The following LYPD2 variants were observed in gnomAD, a reference collection of about 807,000 sequenced individuals.
LYPD2 encodes the protein ly6/PLAUR domain-containing protein 2.
A neutral mutation model predicts 7.1 loss-of-function variants in LYPD2; 5 were observed. The ratio of observed to expected loss-of-function variants is 0.70; its 90% confidence interval spans 0.37 to 1.48. The LOEUF is 1.48. LYPD2 is among the 40% of genes most tolerant of loss of function. LYPD2 has a pLI of 0.03. For missense variants in LYPD2, 177 were observed against 171.0 expected, an observed-to-expected ratio of 1.04 and a Z score of -0.20; for synonymous variants, 78 against 82.0, an observed-to-expected ratio of 0.95 and a Z score of 0.26.
At position 142,752,519 on chromosome 8, in the gene LYPD2, G is replaced by A. The variant is rs186342108; in HGVS notation, c.-68C>T. ...GGCGGGGACAGCAGACACCAAGTGA[G>A]GTGGCGACAGACTGGTCTGCTGAGC... is the stretch of plus-strand genomic sequence containing the variant. On this transcript the variant is annotated 5_prime_UTR_variant, in exon 1 of 3. Coordinates refer to ENST00000359228, the MANE Select transcript of LYPD2 (RefSeq NM_205545.3). The A allele has an allele frequency of 3.2e-6, 5 of 1,578,174 alleles. No individual in the cohort carries two copies. Among genetic ancestry groups the A allele is most frequent in the Middle Eastern group, 1.7e-4 (1 of 5,970 alleles).
At position 142,750,221 on chromosome 8, in the gene LYPD2, G is replaced by A. The variant is rs1467451014; in HGVS notation, c.*62C>T. ...AGGAGACTCAGGAGTCCTGGTGCAGGGGGCACTTCTTCAAGGCATTCGGGG... is the reference window on the plus strand; with the variant it reads ...AGGAGACTCAGGAGTCCTGGTGCAGAGGGCACTTCTTCAAGGCATTCGGGG... On this transcript the variant is annotated 3_prime_UTR_variant, in exon 3 of 3. Transcript: ENST00000359228. 4.3e-5 allele frequency: 61 copies of A among 1,423,096 alleles called. No individual in the cohort carries two copies. The highest frequency in any genetic ancestry group is 5.5e-5 in the Non-Finnish European group (57 of 1,039,992). The allele number at this position is 1,423,096 out of a possible 1,614,324, so 88.2% of individuals were successfully genotyped here. A position where few individuals can be genotyped will look rare whatever the true frequency, so the allele number is the denominator to read the frequency against.
chr8:142,752,105 C>A (rs967378069), intron 1 of LYPD2, among the ~76,000 whole-genome samples: 2 of 152,132 alleles, frequency 1.3e-5, no homozygotes, highest in Non-Finnish European at 2.9e-5. Flanking sequence ...CATAGCCCCC[C>A]ATAAAGTGTG....
At chr8:142,752,188 C>T (rs1325877267) in intron 1 of LYPD2, among the ~76,000 whole-genome samples, 2 of 152,104 alleles carry the variant, frequency 1.3e-5, no homozygotes, top group Non-Finnish European at 2.9e-5. Context: ...TCTGCTCACC[C>T]TCATTAGGCG....
chr8:142,751,253 A>G, intron 1 of LYPD2, 83 bp from the exon 2 acceptor site: 1 of 1,566,962 alleles, frequency 6.4e-7, no homozygotes, highest in South Asian at 1.2e-5. Context: ...CCCAGGTCTG[A>G]AGAGGACAGT....
rs1303343399 is a variant in LYPD2 at position 142,751,161 on chromosome 8, A to G, written c.68T>C (p.Leu23Pro). The G allele has an allele frequency of 4.3e-6, 7 of 1,614,012 alleles. No individual in the cohort carries two copies. Among genetic ancestry groups the G allele is most frequent in the South Asian group, 2.2e-5 (2 of 91,090 alleles). ...LAACGELAPALRCYVCPEPTG... is the reference protein window; with the variant it reads ...LAACGELAPAPRCYVCPEPTG... ...GGGCTCCGGACAGACGTAGCAGCGCAGGGCCGGCGCTGGGGAGAAGGGACA... is the reference window on the plus strand; with the variant it reads ...GGGCTCCGGACAGACGTAGCAGCGCGGGGCCGGCGCTGGGGAGAAGGGACA... The change falls in exon 2 of 3, where the codon CTG (leucine) becomes CCG (proline). Residue 23 changes from leucine to proline, a missense_variant. By Grantham distance (98) the Leu-to-Pro change is moderately conservative. Transcript: ENST00000359228.
chr8:142,751,183 G>C lies in LYPD2; in HGVS notation c.59-13C>G. On this transcript the variant is annotated splice_polypyrimidine_tract_variant and intron_variant, in intron 1 of 2. Transcript: ENST00000359228. The stretch of plus-strand genomic sequence containing the variant: ...CGCAGGGCCGGCGCTGGGGAGAAGG[G>C]ACAAGGGCGGTCAGGCAGGCTCCAC... 1 of 1,613,316 alleles carries C rather than the reference G, an allele frequency of 6.2e-7. No individual in the cohort carries two copies.
Position 142,750,177 on chromosome 8 carries a change from G to A in LYPD2, c.*106C>T, listed in dbSNP as rs1440197377. 1.1e-6 allele frequency: 1 copy of A among 937,504 alleles called. No homozygotes were observed. The highest frequency in any genetic ancestry group is 1.6e-5 in the African/African-American group (1 of 61,502). 58.1% of individuals were successfully genotyped at this position (937,504 alleles called of 1,614,324 possible). ...ATCGACGAGGTCAGAGATGCAGCAGGGCAGGTCTGTGCCCAGAAAGGAGAC... is the reference window on the plus strand; with the variant it reads ...ATCGACGAGGTCAGAGATGCAGCAGAGCAGGTCTGTGCCCAGAAAGGAGAC... On this transcript the variant is annotated 3_prime_UTR_variant, in exon 3 of 3. Coordinates refer to ENST00000359228, the MANE Select transcript of LYPD2 (RefSeq NM_205545.3).
At chr8:142,751,013 C>A (rs199585909) in intron 2 of LYPD2, 38 bp downstream of exon 2, 7 of 1,613,018 alleles carry the variant, frequency 4.3e-6, no homozygotes, top group African/African-American at 1.3e-5. Context: ...TGGCTCTGAC[C>A]GGGAACCCGG....
chr8:142,751,762 G>T (rs1587595716), intron 1 of LYPD2, among the ~76,000 whole-genome samples: 1 of 152,124 alleles, frequency 6.6e-6, no homozygotes, highest in East Asian at 1.9e-4. Flanking sequence ...GCCCAGGTGG[G>T]TCTGGCTGGT....
intron 1 of LYPD2, 100 bp downstream of exon 1, chr8:142,752,294 C>T: frequency 7.1e-7 from 1 of 1,401,868 alleles, no homozygotes; most frequent in Non-Finnish European, 1.0e-6. Flanking sequence ...CTTCTCCTGC[C>T]TCTGAGGCCC....
chr8:142,751,693 G>A (rs1473853432), intron 1 of LYPD2, among the ~76,000 whole-genome samples: 3 of 151,964 alleles, frequency 2.0e-5, no homozygotes, highest in East Asian at 1.9e-4. Flanking sequence ...CGGCAGGGAC[G>A]GGGACCGGAG....
chr8:142,750,580 A>G, intron 2 of LYPD2, 98 bp from the exon 3 acceptor site: 1 of 1,224,970 alleles, frequency 8.2e-7, no homozygotes, highest in South Asian at 1.4e-5. Context: ...CTCTGGGGTC[A>G]CCCACCCGGG....
chr8:142,752,217 CCT>C (rs1191153992), intron 1 of LYPD2, among the ~76,000 whole-genome samples, 175 bp downstream of exon 1: 1 of 152,120 alleles, frequency 6.6e-6, no homozygotes, highest in Non-Finnish European at 1.5e-5. Context: ...ACCGCCAGCC[CCT>C]CTCTCCGTTT....
In LYPD2 at chr8:142,750,259, G is replaced by C; in HGVS notation, c.*24C>G. 1 of 1,547,082 alleles carries C rather than the reference G, an allele frequency of 6.5e-7. No homozygotes were observed. Among genetic ancestry groups the C allele is most frequent in the South Asian group, 1.2e-5 (1 of 83,890 alleles). ...AAGGCATTCGGGGCTGGGCCGCATA[G>C]GGCCATGGGGGTGGGCGGGGACTCT... On this transcript the variant is annotated 3_prime_UTR_variant, in exon 3 of 3. Transcript: ENST00000359228.
intron 1 of LYPD2, 76 bp downstream of exon 1, chr8:142,752,318 C>T: frequency 6.4e-7 from 1 of 1,567,656 alleles, no homozygotes; most frequent in South Asian, 1.1e-5. Context: ...CCTGGGGCGC[C>T]CTCCCGGGAA....
At position 142,751,162 on chromosome 8, in the gene LYPD2, G is replaced by A. The variant is rs998384853; in HGVS notation, c.67C>T (p.Leu23=). 1 of 1,613,886 alleles carries A rather than the reference G, an allele frequency of 6.2e-7. No individual in the cohort carries two copies. Among genetic ancestry groups the A allele is most frequent in the South Asian group, 1.1e-5 (1 of 91,090 alleles). The change falls in exon 2 of 3, where the codon CTG becomes TTG. Residue 23 remains leucine, a synonymous_variant. Coordinates refer to ENST00000359228, the MANE Select transcript of LYPD2 (RefSeq NM_205545.3). ...GGCTCCGGACAGACGTAGCAGCGCA[G>A]GGCCGGCGCTGGGGAGAAGGGACAA... The part of the protein sequence containing the change: ...LAACGELAPA[L]RCYVCPEPTG...
At chr8:142,750,508 G>A (rs62525593) in intron 2 of LYPD2, 26 bp from the exon 3 acceptor site, 292,118 of 1,555,092 alleles carry the variant, frequency 0.19, 28,929 homozygotes, top group East Asian at 0.38. Flanking sequence ...AGAGTCAGCC[G>A]TCAGGGCTGG....
At chr8:142,750,513 G>C in intron 2 of LYPD2, 31 bp from the exon 3 acceptor site, 6 of 1,553,766 alleles carry the variant, frequency 3.9e-6, no homozygotes, top group Non-Finnish European at 5.2e-6. Flanking sequence ...CAGCCGTCAG[G>C]GCTGGTCACT....
Position 142,752,458 on chromosome 8 carries a change from G to A in LYPD2, c.-7C>T, listed in dbSNP as rs752242817. 16 of 1,613,092 alleles carry A rather than the reference G, an allele frequency of 9.9e-6. No homozygotes were observed. The highest frequency in any genetic ancestry group is 2.7e-5 in the African/African-American group (2 of 74,912). ...CCAGCCGCGTCCCCCGCATGGTCCC[G>A]GCCCACTCCTCTGTGCTCTCACCCC... On this transcript the variant is annotated 5_prime_UTR_variant, in exon 1 of 3. Transcript: ENST00000359228.
Sources: gnomAD v4.1 joint callset for allele counts (sites outside exome capture counted in the v4.1 genomes callset) on GRCh38, gnomAD v4.1.1 for gene constraint, MANE v1.5 for transcripts, NCBI Gene and HGNC (gene_info 2026-07-23, HGNC 2026-07-21) for gene names.